The following GSE1 variants were observed in gnomAD, a reference collection of about 807,000 sequenced individuals.
GSE1 encodes genetic suppressor element 1.
In GSE1, 32 loss-of-function variants were observed where a neutral mutation model predicts 112.6. The ratio of observed to expected loss-of-function variants is 0.28; its 90% CI spans 0.21 to 0.38. The LOEUF (loss-of-function observed/expected upper bound fraction) is 0.38. GSE1 is among the 10% of genes least tolerant of loss of function. GSE1 has a pLI of 1.00. For missense variants in GSE1, 2,348 were observed against 1,699.2 expected (o/e 1.38, Z -6.71); for synonymous variants, 1,115 against 735.6 (o/e 1.52, Z -8.35).
At chr16:85,202,539 G>A (rs2075047341) in intron 1 of GSE1, among the ~76,000 whole-genome samples, 2 of 152,224 alleles carry the variant, frequency 1.3e-5, no homozygotes, top group Non-Finnish European at 2.9e-5. Context: ...TGGAGAACAT[G>A]AGGCCCCCAG....
chr16:85,267,962 G>A (rs1037183905), intron 1 of GSE1, among the ~76,000 whole-genome samples: 3 of 152,176 alleles, frequency 2.0e-5, no homozygotes, highest in Non-Finnish European at 2.9e-5. Context: ...TAATAGCAGT[G>A]CCCACTTCAG....
chr16:85,276,997 AC>A (rs1479228269), intron 1 of GSE1, among the ~76,000 whole-genome samples: 6 of 152,020 alleles, frequency 3.9e-5, no homozygotes, highest in Middle Eastern at 3.4e-3. Context: ...GAGCAGGGGG[AC>A]CCTGAGGGTT....
At chr16:85,664,186 G>A (rs2052652099) in intron 11 of GSE1, among the ~76,000 whole-genome samples, 1 of 152,252 alleles carries the variant, frequency 6.6e-6, no homozygotes. Flanking sequence ...CCTGCTCAGG[G>A]TTTTGGCTTC....
At chr16:85,196,148 G>A (rs146835158) in intron 1 of GSE1, among the ~76,000 whole-genome samples, 23 of 152,208 alleles carry the variant, frequency 1.5e-4, no homozygotes, top group African/African-American at 4.8e-4. Context: ...TAAGAAAAAC[G>A]TATGGTTTCC....
intron 8 of GSE1, among the ~76,000 whole-genome samples, chr16:85,660,343 C>A (rs779778523): frequency 2.0e-5 from 3 of 152,186 alleles, no homozygotes; most frequent in Non-Finnish European, 2.9e-5. Context: ...ACACCTGCCG[C>A]AGGTGTTGGA....
chr16:85,493,790 CAAAAAAAAAAA>C (rs61555687), intron 2 of GSE1, among the ~76,000 whole-genome samples: 1 of 84,424 alleles, frequency 1.2e-5, no homozygotes, highest in African/African-American at 4.9e-5. Context: ...GACTCCGTCT[CAAAAAAAAAAA>C]AAAAAAAAGC....
chr16:85,270,360 G>T (rs1398018357), intron 1 of GSE1, among the ~76,000 whole-genome samples: 1 of 148,810 alleles, frequency 6.7e-6, no homozygotes, highest in Non-Finnish European at 1.5e-5. Flanking sequence ...CTCCTTCTTG[G>T]TGTCCTTCTT....
At chr16:85,358,060 C>T (rs1223976258) in intron 2 of GSE1, among the ~76,000 whole-genome samples, 1 of 152,158 alleles carries the variant, frequency 6.6e-6, no homozygotes, top group Admixed American at 6.5e-5. Context: ...TGGGCTGGGC[C>T]ACGGGGAACC....
intron 1 of GSE1, among the ~76,000 whole-genome samples, chr16:85,252,353 A>G (rs551002071): frequency 6.6e-6 from 1 of 150,678 alleles, no homozygotes; most frequent in South Asian, 2.1e-4. Flanking sequence ...CCATAGCACA[A>G]AGTTCTGGAA....
intron 2 of GSE1, among the ~76,000 whole-genome samples, chr16:85,383,539 CTCTCTCTCTCTCT>C (rs2047612526): frequency 2.6e-5 from 2 of 76,014 alleles, no homozygotes; most frequent in South Asian, 3.6e-4. Flanking sequence ...CTCTCTCTCT[CTCTCTCTCTCTCT>C]CTCTCTCTCT....
At chr16:85,493,083 G>A (rs2051061189) in intron 2 of GSE1, among the ~76,000 whole-genome samples, 1 of 152,206 alleles carries the variant, frequency 6.6e-6, no homozygotes, top group Non-Finnish European at 1.5e-5. Context: ...GGATGTTGGA[G>A]CAGAGGCCTG....
rs1446057283 is a variant in GSE1, at chr16:85,407,889, A to T, written c.2464+50246A>T. Among the ~76,000 whole-genome samples, 142 of 24,322 alleles carry T rather than the reference A, an allele frequency of 5.8e-3. 32 individuals carry two copies. Among genetic ancestry groups the T allele is most frequent in the Non-Finnish European group, 7.9e-3 (110 of 13,874 alleles). The allele number at this position is 24,322 out of a possible 152,430, so 16.0% of individuals were successfully genotyped here. ...GGCCCCCCGGATAATCCTCACCGTT[A>T]CACTCAGGGCCCCCCTGGATAATCC... On this transcript the variant is annotated intron_variant, in intron 2 of 2. Transcript: ENST00000637419.
chr16:85,317,134 G>A (rs2046002602), intron 1 of GSE1, among the ~76,000 whole-genome samples: 1 of 152,204 alleles, frequency 6.6e-6, no homozygotes, highest in Non-Finnish European at 1.5e-5. Flanking sequence ...TGCTGGGCAG[G>A]CACCATGCCT....
chr16:85,542,229 C>T (rs2044546004), intron 2 of GSE1, among the ~76,000 whole-genome samples: 1 of 152,194 alleles, frequency 6.6e-6, no homozygotes, highest in Middle Eastern at 3.2e-3. Flanking sequence ...CAGGCGAAGG[C>T]GGGGAGCAGG....
intron 1 of GSE1, among the ~76,000 whole-genome samples, chr16:85,260,574 C>T (rs1907583036): frequency 1.3e-5 from 2 of 152,180 alleles, no homozygotes; most frequent in Admixed American, 6.5e-5. Context: ...CCACCTGCCT[C>T]GGCCTCCCAA....
Position 85,366,402 on chromosome 16 carries a change from AGCTG to A in GSE1, c.2464+8761_2464+8764del, listed in dbSNP as rs2047186466. Among the ~76,000 whole-genome samples, 4 of 152,268 alleles carry A rather than the reference AGCTG, an allele frequency of 2.6e-5. No homozygotes were observed. In the South Asian group the frequency reaches 8.3e-4, roughly 32 times the overall value. ...GTCTCTCTTCATACGTTTCCAGCTGAGCTGGGATCCATAGTCTGTTTCCCTCTCC... is the reference window on the plus strand; with the variant it reads ...GTCTCTCTTCATACGTTTCCAGCTGAGGATCCATAGTCTGTTTCCCTCTCC... On this transcript the variant is annotated intron_variant, in intron 2 of 2. Coordinates refer to the GSE1 transcript ENST00000637419.
At chr16:85,561,991 C>A (rs2045542129) in intron 1 of GSE1, among the ~76,000 whole-genome samples, 1 of 152,316 alleles carries the variant, frequency 6.6e-6, no homozygotes, top group South Asian at 2.1e-4. Context: ...GGGGCACCCG[C>A]AGGGACCAAG....
intron 1 of GSE1, among the ~76,000 whole-genome samples, chr16:85,562,555 G>A (rs1199588994): frequency 6.6e-6 from 1 of 152,238 alleles, no homozygotes; most frequent in Non-Finnish European, 1.5e-5. Flanking sequence ...GCAAGAATGC[G>A]TGTCCTTCTA....
In GSE1 at chr16:85,283,989, C is replaced by A. The variant is rs1400541374; in HGVS notation, c.2284-73474C>A. ...TCTTTGCCTTTCTGGGCCTCAGTTTCCTCTTGTGAGTAAGATGGGGGCGGG... is the reference window on the plus strand; with the variant it reads ...TCTTTGCCTTTCTGGGCCTCAGTTTACTCTTGTGAGTAAGATGGGGGCGGG... On this transcript the variant is annotated intron_variant, in intron 1 of 2. Coordinates refer to the GSE1 transcript ENST00000637419. Among the ~76,000 whole-genome samples, 18 of 152,202 alleles carry A rather than the reference C, an allele frequency of 1.2e-4. 1 individual carries two copies. Among genetic ancestry groups the A allele is most frequent in the Non-Finnish European group, 4.4e-5 (3 of 68,028 alleles).
Sources: gnomAD v4.1 joint callset for allele counts (sites outside exome capture counted in the v4.1 genomes callset) on GRCh38, gnomAD v4.1.1 for gene constraint, MANE v1.5 for transcripts, NCBI Gene and HGNC (gene_info 2026-07-23, HGNC 2026-07-21) for gene names.